ESRRG: variants seen among roughly 807,000 people sequenced by gnomAD.
The protein encoded by ESRRG is estrogen related receptor gamma.
A neutral mutation model predicts 44.0 loss-of-function variants in ESRRG; 13 were observed. That is an observed-to-expected ratio of 0.30 (90% CI 0.19 to 0.47). The LOEUF (loss-of-function observed/expected upper bound fraction) is 0.47. Ranked by LOEUF, ESRRG falls within the 20% of genes least tolerant of loss-of-function variation. The pLI, the probability that ESRRG is intolerant of heterozygous loss-of-function variation, is 1.00. For synonymous variants in ESRRG, 215 were observed against 214.6 expected (o/e 1.00, Z -0.02); for missense variants, 395 against 580.6 (o/e 0.68, Z 3.29).
chr1:217,098,610 C>A (rs2092459878), intron 1 of ESRRG, among the ~76,000 whole-genome samples: 2 of 152,052 alleles, frequency 1.3e-5, no homozygotes, highest in African/African-American at 4.8e-5. Context: ...GCTGCTCTAT[C>A]AGATTAGGAA....
chr1:216,554,877 G>A (rs1044992885), intron 5 of ESRRG, among the ~76,000 whole-genome samples: 6 of 152,130 alleles, frequency 3.9e-5, no homozygotes, highest in East Asian at 1.9e-4. Context: ...TTGCTGTAGC[G>A]TTTGCCTTCC....
intron 1 of ESRRG, among the ~76,000 whole-genome samples, chr1:217,031,239 G>C (rs1335047497): frequency 1.3e-5 from 2 of 152,166 alleles, no homozygotes; most frequent in Non-Finnish European, 2.9e-5. Flanking sequence ...GCCAACCACT[G>C]CTCACACCTC....
intron 2 of ESRRG, among the ~76,000 whole-genome samples, chr1:216,918,260 T>C (rs1250782829): frequency 2.0e-5 from 3 of 152,192 alleles, no homozygotes; most frequent in African/African-American, 7.2e-5. Flanking sequence ...CACATTCTCA[T>C]ATTCTTCATG....
chr1:216,954,212 T>C (rs1195432252), intron 1 of ESRRG, among the ~76,000 whole-genome samples: 1 of 152,116 alleles, frequency 6.6e-6, no homozygotes, highest in African/African-American at 2.4e-5. Flanking sequence ...ATTTTTTTAA[T>C]TGCACTACTC....
chr1:216,574,265 T>C (rs2061315795), intron 3 of ESRRG, among the ~76,000 whole-genome samples: 1 of 152,140 alleles, frequency 6.6e-6, no homozygotes, highest in Non-Finnish European at 1.5e-5. Flanking sequence ...ATACTGCATT[T>C]GCCTACATTG....
At chr1:216,913,608 A>G (rs1376087361) in intron 2 of ESRRG, among the ~76,000 whole-genome samples, 1 of 152,206 alleles carries the variant, frequency 6.6e-6, no homozygotes, top group Non-Finnish European at 1.5e-5. Context: ...ACTTTTTCCA[A>G]GCTTACTCAC....
At chr1:216,947,865 G>C (rs76142622) in intron 1 of ESRRG, among the ~76,000 whole-genome samples, 4,027 of 152,104 alleles carry the variant, frequency 0.026, 145 homozygotes, top group African/African-American at 0.085. Context: ...TTCCTCCATG[G>C]AAAGAGAGCA....
intron 1 of ESRRG, among the ~76,000 whole-genome samples, chr1:217,056,632 C>T (rs1054340733): frequency 6.6e-6 from 1 of 151,388 alleles, no homozygotes; most frequent in Non-Finnish European, 1.5e-5. Context: ...ATTTACAATA[C>T]TATGAGGGTA....
chr1:217,070,736 TA>T (rs971876233), intron 1 of ESRRG, among the ~76,000 whole-genome samples: 2 of 152,240 alleles, frequency 1.3e-5, no homozygotes, highest in Non-Finnish European at 2.9e-5. Context: ...TGTCCTCACA[TA>T]AATGTACCTA....
At chr1:216,889,679 T>C (rs1210357746) in intron 2 of ESRRG, among the ~76,000 whole-genome samples, 2 of 152,190 alleles carry the variant, frequency 1.3e-5, no homozygotes, top group African/African-American at 4.8e-5. Flanking sequence ...TATTTATAGT[T>C]TTAACATTTT....
At chr1:216,625,718 G>T (rs2063080911) in intron 3 of ESRRG, among the ~76,000 whole-genome samples, 1 of 152,118 alleles carries the variant, frequency 6.6e-6, no homozygotes, top group Non-Finnish European at 1.5e-5. Flanking sequence ...CTGTAAGATG[G>T]GGATAATAAT....
At chr1:216,804,781 C>A (rs1021334538) in intron 2 of ESRRG, among the ~76,000 whole-genome samples, 1 of 151,980 alleles carries the variant, frequency 6.6e-6, no homozygotes, top group East Asian at 1.9e-4. Flanking sequence ...CACATACCCC[C>A]CTTCCCCAAC....
intron 5 of ESRRG, among the ~76,000 whole-genome samples, chr1:216,539,633 AT>A (rs2052088772): frequency 6.6e-6 from 1 of 151,880 alleles, no homozygotes; most frequent in Admixed American, 6.6e-5. Context: ...AAGAGTGGGG[AT>A]TTTTTGGTTA....
intron 2 of ESRRG, chr1:216,864,520 G>C (rs1348311216): frequency 6.6e-6 from 1 of 151,734 alleles, no homozygotes; most frequent in Non-Finnish European, 1.5e-5. Flanking sequence ...CTGCTGTAGT[G>C]CTTCACCCAA....
intron 1 of ESRRG, among the ~76,000 whole-genome samples, chr1:217,082,587 C>T (rs1406985540): frequency 6.6e-6 from 1 of 152,136 alleles, no homozygotes. Flanking sequence ...GCCTCTTTTT[C>T]CTTTTGGCTT....
At chr1:216,576,978 G>A (rs925254743) in intron 3 of ESRRG, among the ~76,000 whole-genome samples, 5 of 152,016 alleles carry the variant, frequency 3.3e-5, no homozygotes, top group Non-Finnish European at 1.5e-5. Flanking sequence ...AACTGATGCT[G>A]ACAAGCCTCG....
intron 3 of ESRRG, among the ~76,000 whole-genome samples, chr1:216,592,513 T>C (rs981833979): frequency 9.2e-5 from 14 of 152,114 alleles, no homozygotes; most frequent in African/African-American, 3.4e-4. Context: ...CTTTTTTTTT[T>C]TCTTCTGGAG....
At chr1:216,699,523 C>G (rs1231587609) in intron 1 of ESRRG, among the ~76,000 whole-genome samples, 1 of 152,044 alleles carries the variant, frequency 6.6e-6, no homozygotes, top group Non-Finnish European at 1.5e-5. Flanking sequence ...TTTCATAACT[C>G]TTGATGTTGA....
chr1:216,716,768 T>A (rs749887765), intron 1 of ESRRG, among the ~76,000 whole-genome samples: 4 of 151,960 alleles, frequency 2.6e-5, no homozygotes, highest in Non-Finnish European at 4.4e-5. Flanking sequence ...GTATTTAAAA[T>A]TTTTTAAATG....
Sources: allele counts gnomAD v4.1 joint callset (sites outside exome capture counted in the v4.1 genomes callset), GRCh38; gene constraint gnomAD v4.1.1; transcripts MANE v1.5; gene names NCBI Gene and HGNC (gene_info 2026-07-23, HGNC 2026-07-21).